Variants in RAD54B observed in about 807,000 individuals in gnomAD.
RAD54B encodes RAD54 homolog B.
A neutral mutation model predicts 95.8 loss-of-function variants in RAD54B; 78 were observed. The observed-to-expected ratio is 0.81, with a 90% CI of 0.68 to 0.98. The LOEUF (loss-of-function observed/expected upper bound fraction) is 0.98, where lower values mean the gene tolerates loss of function less well. Ranked by LOEUF, RAD54B falls within the 50% of genes least tolerant of loss-of-function variation. The probability of loss-of-function intolerance (pLI) is 0.00; values close to 1 mark genes in which losing one functional copy is unlikely to be tolerated. For synonymous variants in RAD54B, 328 were observed against 354.9 expected, an observed-to-expected ratio of 0.92 and a Z score of 0.85; for missense variants, 957 against 1,056.6, an observed-to-expected ratio of 0.91 and a Z score of 1.31.
chr8:94,471,880 A>T (rs185907227), intron 1 of RAD54B, among the ~76,000 whole-genome samples: 501 of 152,010 alleles, frequency 3.3e-3, no homozygotes, highest in Non-Finnish European at 6.3e-3. Context: ...AGAAATTTTT[A>T]AAAGTAAATA....
chr8:94,379,490 C>T (rs1810682251), intron 12 of RAD54B, among the ~76,000 whole-genome samples: 1 of 152,226 alleles, frequency 6.6e-6, no homozygotes, highest in African/African-American at 2.4e-5. Context: ...CTCTCTTGGA[C>T]TCTGCCCTGG....
intron 9 of RAD54B, among the ~76,000 whole-genome samples, chr8:94,393,152 T>A (rs1299448028): frequency 6.6e-6 from 1 of 152,112 alleles, no homozygotes; most frequent in Non-Finnish European, 1.5e-5. Flanking sequence ...GTACTTTTTT[T>A]TATAATAAAT....
chr8:94,463,887 C>T (rs1361887969), intron 2 of RAD54B, among the ~76,000 whole-genome samples: 2 of 125,676 alleles, frequency 1.6e-5, no homozygotes, highest in Non-Finnish European at 3.3e-5. Flanking sequence ...CATCAAGACC[C>T]TATCTCAAAA....
At chr8:94,454,991 C>G (rs1442079338) in intron 3 of RAD54B, among the ~76,000 whole-genome samples, 1 of 152,166 alleles carries the variant, frequency 6.6e-6, no homozygotes, top group Non-Finnish European at 1.5e-5. Flanking sequence ...CCTTTTTCCT[C>G]TCAGCCTACA....
At chr8:94,407,344 TA>T in intron 5 of RAD54B, 94 bp downstream of exon 5, 2 of 1,265,986 alleles carry the variant, frequency 1.6e-6, no homozygotes, top group Non-Finnish European at 2.2e-6. Flanking sequence ...TACTTTCACC[TA>T]AAACTTTTAA....
intron 2 of RAD54B, among the ~76,000 whole-genome samples, chr8:94,459,582 G>A (rs919620060): frequency 6.6e-5 from 10 of 152,126 alleles, no homozygotes; most frequent in Admixed American, 2.0e-4. Context: ...ACAAGAGGCC[G>A]GGCGCAGTGG....
chr8:94,395,199 T>G (rs2470737), intron 8 of RAD54B, among the ~76,000 whole-genome samples: 137,842 of 152,150 alleles, frequency 0.91, 62,872 homozygotes, highest in Non-Finnish European at 0.96. Context: ...ACTGACATAC[T>G]CAAGGGTTCT....
chr8:94,380,363 G>T lies in RAD54B; in HGVS notation c.2029C>A (p.Gln677Lys), dbSNP rs773028914. ...TATCCATGACGCTTACATACTTCTT[G>T]TAAAATGTTCAAGGTTTGTGTATAG... ...SNYTQTLNILQEVCKRHGYAY... is the reference protein window; with the variant it reads ...SNYTQTLNILKEVCKRHGYAY... The change falls in exon 12 of 15, where the codon CAA becomes AAA. Residue 677 changes from glutamine to lysine, a missense_variant. Physicochemically the swap from Gln to Lys is moderately conservative, Grantham distance 53. Transcript: ENST00000336148. 1.9e-6 allele frequency: 3 copies of T among 1,613,712 alleles called. No homozygotes were observed. Among genetic ancestry groups the T allele is most frequent in the Admixed American group, 1.7e-5 (1 of 60,006 alleles).
chr8:94,379,547 T>C (rs1028170697), intron 12 of RAD54B, among the ~76,000 whole-genome samples: 1 of 152,224 alleles, frequency 6.6e-6, no homozygotes, highest in Non-Finnish European at 1.5e-5. Context: ...TACTATAATG[T>C]AACATAACTG....
chr8:94,452,117 ACT>A (rs1346218641), intron 3 of RAD54B, among the ~76,000 whole-genome samples: 2 of 152,040 alleles, frequency 1.3e-5, no homozygotes, highest in Non-Finnish European at 2.9e-5. Flanking sequence ...AGAAATGGCA[ACT>A]CTCTGGGGCC....
At chr8:94,392,764 A>T (rs1469160333) in intron 9 of RAD54B, among the ~76,000 whole-genome samples, 39 of 72,592 alleles carry the variant, frequency 5.4e-4, no homozygotes, top group African/African-American at 7.5e-4. Flanking sequence ...CACCTGGCTG[A>T]TTTTTTTTTT....
chr8:94,434,552 T>C (rs1280662970), intron 3 of RAD54B, among the ~76,000 whole-genome samples: 1 of 151,872 alleles, frequency 6.6e-6, no homozygotes, highest in East Asian at 1.9e-4. Context: ...CAAACACTAG[T>C]ATTTTCCTTA....
At chr8:94,425,541 A>C (rs192697555) in intron 3 of RAD54B, among the ~76,000 whole-genome samples, 1 of 152,150 alleles carries the variant, frequency 6.6e-6, no homozygotes, top group African/African-American at 2.4e-5. Context: ...CTGCAATATA[A>C]ATTTAAGATT....
intron 9 of RAD54B, chr8:94,393,541 T>C (rs1312448409): frequency 2.1e-6 from 1 of 481,774 alleles, no homozygotes; most frequent in African/African-American, 2.0e-5. Context: ...TTTATTGTCA[T>C]AATTCTTTGT....
intron 3 of RAD54B, among the ~76,000 whole-genome samples, chr8:94,441,228 T>A (rs112940313): frequency 0.011 from 1,740 of 152,274 alleles, 23 homozygotes; most frequent in African/African-American, 0.04. Context: ...TTTAAGACAG[T>A]AGCTTGCCGA....
At chr8:94,415,760 T>G (rs1811648209) in intron 3 of RAD54B, among the ~76,000 whole-genome samples, 1 of 144,680 alleles carries the variant, frequency 6.9e-6, no homozygotes, top group South Asian at 2.3e-4. Flanking sequence ...AAAAAACACA[T>G]GAAAAAATGC....
At chr8:94,422,603 AAAAAAAAAAAAAAAATATATATAT>A (rs1221687740) in intron 3 of RAD54B, among the ~76,000 whole-genome samples, 51 of 97,290 alleles carry the variant, frequency 5.2e-4, no homozygotes, top group African/African-American at 2.2e-3. Flanking sequence ...AAAAAAAAAA[AAAAAAAAAAAAAAAATATATATAT>A]ATATATATAT....
intron 3 of RAD54B, among the ~76,000 whole-genome samples, chr8:94,416,325 A>G (rs1163882795): frequency 6.6e-6 from 1 of 151,920 alleles, no homozygotes; most frequent in Non-Finnish European, 1.5e-5. Context: ...ATGAGAACAC[A>G]TGGACACAGG....
In RAD54B at chr8:94,398,530, C is replaced by T. The variant is rs909049830; in HGVS notation, c.1378+884G>A. Among the ~76,000 whole-genome samples the T allele has an allele frequency of 3.9e-5, 6 of 152,038 alleles. No homozygotes were observed. The South Asian group carries it at 8.3e-4, about 21-fold the overall frequency. On this transcript the variant is annotated intron_variant, in intron 8 of 14. Coordinates refer to ENST00000336148, the MANE Select transcript of RAD54B (RefSeq NM_012415.3). ...TTCAGAGAGCTGTGACATGCATAAACGACACATGAAGGAAAAAATGACGAT... is the reference window on the plus strand; with the variant it reads ...TTCAGAGAGCTGTGACATGCATAAATGACACATGAAGGAAAAAATGACGAT...
Sources: allele counts gnomAD v4.1 joint callset (sites outside exome capture counted in the v4.1 genomes callset), GRCh38; gene constraint gnomAD v4.1.1; transcripts MANE v1.5; gene names NCBI Gene and HGNC (gene_info 2026-07-23, HGNC 2026-07-21).